GALNT10: variants seen among roughly 807,000 people sequenced by gnomAD.
The protein encoded by GALNT10 is GalNAc transferase 10.
GALNT10 carries 41 observed loss-of-function variants against 75.0 expected under a neutral mutation model. That is an observed-to-expected ratio of 0.55 (90% CI 0.43 to 0.71). The LOEUF (loss-of-function observed/expected upper bound fraction) is 0.71. Ranked by LOEUF, GALNT10 falls within the 30% of genes least tolerant of loss-of-function variation. The pLI is 0.00. For missense variants in GALNT10, 727 were observed against 818.5 expected (o/e 0.89, Z 1.36); for synonymous variants, 302 against 313.0 (o/e 0.96, Z 0.37).
chr5:154,339,291 A>G (rs1264046586), intron 4 of GALNT10, among the ~76,000 whole-genome samples: 2 of 152,220 alleles, frequency 1.3e-5, no homozygotes, highest in African/African-American at 4.8e-5. Context: ...CCACTAAGGA[A>G]ATCTACAGGC....
intron 4 of GALNT10, among the ~76,000 whole-genome samples, chr5:154,375,314 T>C (rs1392805819): frequency 6.6e-6 from 1 of 152,346 alleles, no homozygotes; most frequent in Non-Finnish European, 1.5e-5. Context: ...TTAAATATGA[T>C]GTATGCTGTA....
intron 3 of GALNT10, among the ~76,000 whole-genome samples, chr5:154,327,188 C>T (rs937726634): frequency 1.3e-5 from 2 of 151,038 alleles, no homozygotes; most frequent in Non-Finnish European, 2.9e-5. Flanking sequence ...TGCACTCCAG[C>T]CTGGGTGACA....
At chr5:154,289,356 C>T (rs1258677103) in intron 1 of GALNT10, among the ~76,000 whole-genome samples, 1 of 152,176 alleles carries the variant, frequency 6.6e-6, no homozygotes. Context: ...ACTCTGGAAC[C>T]AGAATGTTCC....
At chr5:154,378,208 C>T (rs912356685) in intron 5 of GALNT10, among the ~76,000 whole-genome samples, 2 of 152,204 alleles carry the variant, frequency 1.3e-5, no homozygotes, top group African/African-American at 4.8e-5. Flanking sequence ...AAACCATTAA[C>T]ACCTCCATGC....
At chr5:154,321,680 C>T (rs1754677037) in intron 3 of GALNT10, among the ~76,000 whole-genome samples, 1 of 152,130 alleles carries the variant, frequency 6.6e-6, no homozygotes, top group Non-Finnish European at 1.5e-5. Flanking sequence ...TTTTTACTTC[C>T]AGGCTCTCAG....
At chr5:154,393,635 C>G (rs561870036) in intron 7 of GALNT10, among the ~76,000 whole-genome samples, 26 of 152,158 alleles carry the variant, frequency 1.7e-4, no homozygotes, top group Middle Eastern at 6.8e-3. Context: ...AAGTTCAAGA[C>G]CAGCTTTGGG....
At chr5:154,358,933 A>G (rs1561671053) in intron 4 of GALNT10, among the ~76,000 whole-genome samples, 1 of 152,152 alleles carries the variant, frequency 6.6e-6, no homozygotes, top group Non-Finnish European at 1.5e-5. Flanking sequence ...CTCATTGAAT[A>G]TGCCTTCGTC....
At chr5:154,252,667 G>A (rs1047710424) in intron 1 of GALNT10, among the ~76,000 whole-genome samples, 10 of 151,056 alleles carry the variant, frequency 6.6e-5, no homozygotes, top group Admixed American at 3.3e-4. Flanking sequence ...CCTTAGTGTT[G>A]GTTGTCCTGA....
intron 3 of GALNT10, among the ~76,000 whole-genome samples, chr5:154,305,725 C>G (rs1754424205): frequency 6.6e-6 from 1 of 152,058 alleles, no homozygotes; most frequent in Non-Finnish European, 1.5e-5. Flanking sequence ...ACTGATAAAA[C>G]TATAAGGAGA....
intron 1 of GALNT10, among the ~76,000 whole-genome samples, chr5:154,243,843 T>C (rs1401366521): frequency 6.6e-6 from 1 of 152,228 alleles, no homozygotes; most frequent in Non-Finnish European, 1.5e-5. Flanking sequence ...AGCCATTGTT[T>C]GACAGATATT....
chr5:154,270,969 G>A (rs901332811), intron 1 of GALNT10, among the ~76,000 whole-genome samples: 4 of 138,958 alleles, frequency 2.9e-5, no homozygotes, highest in Non-Finnish European at 6.1e-5. Flanking sequence ...ACTCCAGCCA[G>A]GGTGACAGCA....
At chr5:154,200,146 A>AC (rs1469733733) in intron 1 of GALNT10, among the ~76,000 whole-genome samples, 1 of 151,750 alleles carries the variant, frequency 6.6e-6, no homozygotes, top group African/African-American at 2.4e-5. Context: ...TATCACTGAG[A>AC]CCCCCATGAG....
intron 1 of GALNT10, among the ~76,000 whole-genome samples, chr5:154,278,515 C>CT (rs1261516986): frequency 1.3e-5 from 2 of 152,084 alleles, no homozygotes; most frequent in Non-Finnish European, 2.9e-5. Flanking sequence ...GAAGAATTGG[C>CT]TTTTTTAGAG....
chr5:154,320,852 C>T (rs749770080), intron 3 of GALNT10, among the ~76,000 whole-genome samples: 2 of 152,206 alleles, frequency 1.3e-5, no homozygotes, highest in East Asian at 1.9e-4. Flanking sequence ...AACTGGACTA[C>T]TGGAATCAGG....
At chr5:154,241,580 A>G (rs1476511315) in intron 1 of GALNT10, among the ~76,000 whole-genome samples, 1 of 152,190 alleles carries the variant, frequency 6.6e-6, no homozygotes, top group South Asian at 2.1e-4. Flanking sequence ...CCATAAATAC[A>G]TATAATTATT....
intron 6 of GALNT10, among the ~76,000 whole-genome samples, chr5:154,384,618 G>A (rs1171187764): frequency 6.6e-6 from 1 of 152,166 alleles, no homozygotes; most frequent in South Asian, 2.1e-4. Context: ...ATGGTTAAAC[G>A]CTGCATCTCA....
chr5:154,404,358 A>G, intron 8 of GALNT10, 147 bp downstream of exon 8: 1 of 582,214 alleles, frequency 1.7e-6, no homozygotes. Flanking sequence ...CTGATTTAAA[A>G]GAACTCCCTT....
rs113121779 is a variant in GALNT10 at position 154,410,392 on chromosome 5, A to G, written c.1386+630A>G. Among the ~76,000 whole-genome samples the G allele has an allele frequency of 9.0e-4, 136 of 151,590 alleles. 1 individual carries two copies. Among genetic ancestry groups the G allele is most frequent in the African/African-American group, 2.3e-3 (94 of 41,348 alleles). Reference sequence around the variant, plus strand: ...CCTGTCTCTACAAAAAAAAAAAAAAAAAAGAAAAAATTAGCCAGGCGTAAT... The same window carrying G: ...CCTGTCTCTACAAAAAAAAAAAAAAGAAAGAAAAAATTAGCCAGGCGTAAT... On this transcript the variant is annotated intron_variant, in intron 9 of 11. Coordinates refer to ENST00000297107, the MANE Select transcript of GALNT10 (RefSeq NM_198321.4).
intron 1 of GALNT10, among the ~76,000 whole-genome samples, chr5:154,272,267 GATTA>G (rs926843750): frequency 2.6e-4 from 40 of 152,298 alleles, no homozygotes; most frequent in Admixed American, 1.1e-3. Flanking sequence ...ATGCCAATCT[GATTA>G]ATTAAGGTAA....
Sources: gnomAD v4.1 joint callset for allele counts (sites outside exome capture counted in the v4.1 genomes callset) on GRCh38, gnomAD v4.1.1 for gene constraint, MANE v1.5 for transcripts, NCBI Gene and HGNC (gene_info 2026-07-23, HGNC 2026-07-21) for gene names.